The following ATP13A4 variants were observed in gnomAD, a reference collection of about 807,000 sequenced individuals.
The protein encoded by ATP13A4 is probable cation-transporting ATPase 13A4.
Under a neutral mutation model 142.5 loss-of-function variants are expected in ATP13A4, and 114 were observed. The ratio of observed to expected loss-of-function variants is 0.80; its 90% CI spans 0.69 to 0.93. ATP13A4 has a LOEUF of 0.93. ATP13A4 is among the 40% of genes least tolerant of loss of function. The pLI, the probability that ATP13A4 is intolerant of heterozygous loss-of-function variation, is 0.00. For synonymous variants in ATP13A4, 488 were observed against 514.8 expected (o/e 0.95, Z 0.70); for missense variants, 1,392 against 1,454.0 (o/e 0.96, Z 0.69).
intron 2 of ATP13A4, among the ~76,000 whole-genome samples, chr3:193,574,488 G>A (rs893785478): frequency 1.5e-4 from 23 of 152,216 alleles, no homozygotes; most frequent in Non-Finnish European, 3.1e-4. Flanking sequence ...GGAGGTCAAG[G>A]TGGACAGATC....
At chr3:193,458,885 A>G (rs889960189) in intron 14 of ATP13A4, 196 bp downstream of exon 14, 3 of 705,162 alleles carry the variant, frequency 4.3e-6, no homozygotes, top group Non-Finnish European at 7.5e-6. Flanking sequence ...AATCCTCACA[A>G]TCTCATTATG....
intron 8 of ATP13A4, among the ~76,000 whole-genome samples, chr3:193,474,753 A>G (rs1718863871): frequency 6.6e-6 from 1 of 151,386 alleles, no homozygotes; most frequent in African/African-American, 2.4e-5. Flanking sequence ...AGAAAGGAAA[A>G]AGAAAGAAAG....
At chr3:193,590,736 G>A (rs979613295) in intron 1 of ATP13A4, among the ~76,000 whole-genome samples, 3 of 152,244 alleles carry the variant, frequency 2.0e-5, no homozygotes, top group Non-Finnish European at 4.4e-5. Flanking sequence ...AGTCAACTAT[G>A]TCAGGTTCCT....
intron 13 of ATP13A4, among the ~76,000 whole-genome samples, chr3:193,460,578 A>G (rs9813948): frequency 0.52 from 78,329 of 152,094 alleles, 20,809 homozygotes; most frequent in African/African-American, 0.67. Flanking sequence ...CCACATACCC[A>G]ATGGTATTTT....
chr3:193,431,349 A>T (rs966450168), intron 25 of ATP13A4, among the ~76,000 whole-genome samples: 1 of 151,734 alleles, frequency 6.6e-6, no homozygotes, highest in African/African-American at 2.4e-5. Context: ...ACCCATGGTT[A>T]GATGCAGAGT....
chr3:193,449,644 G>C (rs1428069057), intron 17 of ATP13A4, among the ~76,000 whole-genome samples: 1 of 152,132 alleles, frequency 6.6e-6, no homozygotes, highest in Non-Finnish European at 1.5e-5. Flanking sequence ...CAGCCAAGTT[G>C]AACCACTAGC....
intron 29 of ATP13A4, chr3:193,404,274 C>CAGAG (rs139848067): frequency 3.4e-5 from 14 of 415,930 alleles, no homozygotes; most frequent in African/African-American, 2.9e-4. Flanking sequence ...CACACACACA[C>CAGAG]AGAGAGAGAA....
chr3:193,591,765 GGT>G (rs1466278650), intron 1 of ATP13A4, among the ~76,000 whole-genome samples: 6 of 151,978 alleles, frequency 3.9e-5, no homozygotes, highest in African/African-American at 1.5e-4. Context: ...CTTTTTTTAT[GGT>G]TAAAGTCTTT....
At chr3:193,513,269 C>T (rs1459223942) in intron 2 of ATP13A4, among the ~76,000 whole-genome samples, 1 of 152,144 alleles carries the variant, frequency 6.6e-6, no homozygotes, top group African/African-American at 2.4e-5. Context: ...TCTTTTTGGC[C>T]AGTTATAAGG....
chr3:193,538,777 T>G (rs1257008273), intron 1 of ATP13A4, among the ~76,000 whole-genome samples: 1 of 152,088 alleles, frequency 6.6e-6, no homozygotes, highest in Admixed American at 6.6e-5. Flanking sequence ...AGAAAATGTT[T>G]TAAGCTGTGT....
At chr3:193,471,330 A>G (rs951475073) in intron 8 of ATP13A4, among the ~76,000 whole-genome samples, 2 of 152,154 alleles carry the variant, frequency 1.3e-5, no homozygotes, top group African/African-American at 2.4e-5. Context: ...TTGGAGCCCA[A>G]TGCGGGAGAA....
chr3:193,473,705 T>C (rs1718751124), intron 8 of ATP13A4, among the ~76,000 whole-genome samples: 1 of 152,148 alleles, frequency 6.6e-6, no homozygotes, highest in Non-Finnish European at 1.5e-5. Context: ...AAACACAGCA[T>C]CATGTTGTGA....
chr3:193,536,261 C>A (rs988517251), intron 1 of ATP13A4, among the ~76,000 whole-genome samples: 9 of 152,126 alleles, frequency 5.9e-5, no homozygotes, highest in African/African-American at 2.2e-4. Context: ...AAATATAATT[C>A]CGCAACATAT....
At chr3:193,582,171 G>A (rs545069802) in intron 1 of ATP13A4, among the ~76,000 whole-genome samples, 8 of 137,134 alleles carry the variant, frequency 5.8e-5, no homozygotes, top group South Asian at 2.3e-4. Context: ...TTTTTTTGGC[G>A]GAGTTTTCCT....
chr3:193,592,428 G>A (rs1397675325), intron 1 of ATP13A4, among the ~76,000 whole-genome samples: 3 of 152,018 alleles, frequency 2.0e-5, no homozygotes, highest in Non-Finnish European at 4.4e-5. Flanking sequence ...CAGTTCCAGG[G>A]AAAAAGGAGA....
chr3:193,435,648 C>T lies in ATP13A4; in HGVS notation c.2769G>A (p.Trp923Ter), dbSNP rs1716225084. ...CAAGAGGCTAAGTCCCAAGTCATAC[C>T]CAGTAGAGCAGCAGAACACCAACAT... Reference protein sequence around the residue: ...IQYVGVLLLYWETNSLSNYQF... With the variant: ...IQYVGVLLLY Residue 923 changes from tryptophan (W) to a stop codon, truncating the protein, a stop_gained and splice_region_variant, in exon 24 of 30, where the codon TGG becomes TGA. Coordinates refer to ENST00000342695, the MANE Select transcript of ATP13A4 (RefSeq NM_032279.4). LOFTEE classifies it high-confidence loss of function. 1 of 1,612,346 alleles carries T rather than the reference C, an allele frequency of 6.2e-7. No individual in the cohort carries two copies. Among genetic ancestry groups the T allele is most frequent in the Non-Finnish European group, 8.5e-7 (1 of 1,178,608 alleles).
At chr3:193,413,520 C>A (rs557999929) in intron 26 of ATP13A4, among the ~76,000 whole-genome samples, 6 of 152,124 alleles carry the variant, frequency 3.9e-5, no homozygotes, top group African/African-American at 1.4e-4. Context: ...AATGGACATG[C>A]AAGTAGGGAA....
At chr3:193,410,012 C>A (rs563666281) in intron 28 of ATP13A4, among the ~76,000 whole-genome samples, 4 of 152,282 alleles carry the variant, frequency 2.6e-5, no homozygotes, top group Admixed American at 6.5e-5. Flanking sequence ...TTTCTTTAGT[C>A]ATCTCTTCAA....
At position 193,483,916 on chromosome 3, in the gene ATP13A4, T is replaced by C. The variant is rs753047024; in HGVS notation, c.808+20A>G. ...TGATTCCATGTGAATAGCATATAGA[T>C]CTAAAATAATGGAACTTACCTTTTC... On this transcript the variant is annotated intron_variant, in intron 8 of 29. Coordinates refer to ENST00000342695, the MANE Select transcript of ATP13A4 (RefSeq NM_032279.4). The C allele has an allele frequency of 3.9e-6, 6 of 1,531,588 alleles. No individual in the cohort carries two copies. In the Admixed American group the frequency reaches 1.0e-4, roughly 26 times the overall value. The allele number at this position is 1,531,588 out of a possible 1,614,324, so 94.9% of individuals were successfully genotyped here. A position where few individuals can be genotyped will look rare whatever the true frequency, so the allele number is the denominator to read the frequency against.
Sources: allele counts gnomAD v4.1 joint callset (sites outside exome capture counted in the v4.1 genomes callset), GRCh38; gene constraint gnomAD v4.1.1; transcripts MANE v1.5; gene names NCBI Gene and HGNC (gene_info 2026-07-23, HGNC 2026-07-21).